PHACTR4: variants seen among roughly 807,000 people sequenced by gnomAD.
PHACTR4 encodes protein phosphatase 1, regulatory subunit 124.
PHACTR4 carries 51 observed loss-of-function variants against 72.7 expected under a neutral mutation model. The observed-to-expected ratio is 0.70, with a 90% CI of 0.56 to 0.89. The LOEUF is 0.89. Ranked by LOEUF, PHACTR4 falls within the 40% of genes least tolerant of loss-of-function variation. PHACTR4 has a pLI of 0.00. For missense variants in PHACTR4, 731 were observed against 861.8 expected (o/e 0.85, Z 1.90); for synonymous variants, 255 against 302.5 (o/e 0.84, Z 1.63).
At chr1:28,489,631 CT>C (rs1245208660) in intron 10 of PHACTR4, 2 of 361,650 alleles carry the variant, frequency 5.5e-6, no homozygotes, top group Non-Finnish European at 1.1e-5. Context: ...AATGCAGCAG[CT>C]TTTCTCTTGG....
chr1:28,459,455 A>T (rs1266695109), intron 3 of PHACTR4, among the ~76,000 whole-genome samples, 197 bp downstream of exon 3: 1 of 137,096 alleles, frequency 7.3e-6, no homozygotes, highest in African/African-American at 2.8e-5. Flanking sequence ...AGGCTAGAGT[A>T]CAGTGGCGCA....
chr1:28,483,509 A>C (rs756933213), intron 9 of PHACTR4, among the ~76,000 whole-genome samples: 7 of 151,420 alleles, frequency 4.6e-5, no homozygotes, highest in Non-Finnish European at 8.8e-5. Context: ...CAAAAAAAAG[A>C]GATAAATCAT....
chr1:28,442,394 G>A (rs945942055), intron 2 of PHACTR4, among the ~76,000 whole-genome samples: 5 of 151,644 alleles, frequency 3.3e-5, no homozygotes, highest in Admixed American at 6.6e-5. Flanking sequence ...AAACAAGGAG[G>A]CGGAGGATGC....
chr1:28,372,370 A>G (rs1470991201), intron 1 of PHACTR4, among the ~76,000 whole-genome samples: 1 of 152,080 alleles, frequency 6.6e-6, no homozygotes, highest in African/African-American at 2.4e-5. Flanking sequence ...TTCACCCTGT[A>G]TTACTTTGTT....
chr1:28,380,202 G>A (rs1168186294), intron 1 of PHACTR4, among the ~76,000 whole-genome samples: 4 of 149,562 alleles, frequency 2.7e-5, no homozygotes, highest in African/African-American at 2.5e-5. Flanking sequence ...GACTACAGGC[G>A]TCCGCTACCA....
chr1:28,412,414 A>G (rs1654846838), intron 2 of PHACTR4, among the ~76,000 whole-genome samples: 1 of 152,202 alleles, frequency 6.6e-6, no homozygotes, highest in African/African-American at 2.4e-5. Context: ...TGCTTTATAC[A>G]TATTTCTGTT....
chr1:28,397,727 T>C (rs553891765), intron 1 of PHACTR4, among the ~76,000 whole-genome samples: 1 of 151,598 alleles, frequency 6.6e-6, no homozygotes, highest in Non-Finnish European at 1.5e-5. Flanking sequence ...TTTTGAGTCT[T>C]TCTCTGTCGC....
In PHACTR4 at chr1:28,473,595, A is replaced by T; in HGVS notation, c.865A>T (p.Lys289Ter). 1 of 1,613,754 alleles carries T rather than the reference A, an allele frequency of 6.2e-7. No individual in the cohort carries two copies. Among genetic ancestry groups the T allele is most frequent in the Non-Finnish European group, 8.5e-7 (1 of 1,179,780 alleles). Residue 289 changes from lysine to a stop codon, truncating the protein, a stop_gained, in exon 7 of 14, where the codon AAA becomes TAA. Coordinates refer to ENST00000373839, the MANE Select transcript of PHACTR4 (RefSeq NM_001048183.3). LOFTEE classifies it high-confidence loss of function. ...AATAAACAGTGGTACATTGTTATCA[A>T]AACCGTCCCCACCCTTACCACCTAA... is the stretch of plus-strand genomic sequence containing the variant. ...QAINSGTLLS[K>*]PSPPLPPKRG...
intron 9 of PHACTR4, among the ~76,000 whole-genome samples, chr1:28,487,215 A>C (rs1660708465): frequency 6.6e-6 from 1 of 151,232 alleles, no homozygotes; most frequent in Non-Finnish European, 1.5e-5. Flanking sequence ...AACTACAAAA[A>C]CTTAGCCGGG....
At position 28,401,300 on chromosome 1, in the gene PHACTR4, CT is replaced by C. The variant is rs34281484; in HGVS notation, c.-38-6090del. Reference sequence around the variant, plus strand: ...CAACAGGGATATATGACCTGCTTTACTTTTTTTTTTTTTTTTTTTTGGGGGG... The same window carrying C: ...CAACAGGGATATATGACCTGCTTTACTTTTTTTTTTTTTTTTTTTGGGGGG... On this transcript the variant is annotated intron_variant, in intron 1 of 13. Coordinates refer to ENST00000373839, the MANE Select transcript of PHACTR4 (RefSeq NM_001048183.3). 4.6e-3 allele frequency among the ~76,000 whole-genome samples: 469 copies of C among 103,046 alleles called. 1 individual carries two copies. Among genetic ancestry groups the C allele is most frequent in the Non-Finnish European group, 6.4e-3 (316 of 49,018 alleles). The allele number at this position is 103,046 out of a possible 152,430, so 67.6% of individuals were successfully genotyped here.
chr1:28,394,777 G>A (rs1433676085), intron 1 of PHACTR4, among the ~76,000 whole-genome samples: 1 of 151,828 alleles, frequency 6.6e-6, no homozygotes, highest in African/African-American at 2.4e-5. Context: ...TGTATTTTTA[G>A]TGGAGATGGG....
intron 4 of PHACTR4, among the ~76,000 whole-genome samples, chr1:28,461,721 C>T (rs1001988527): frequency 6.6e-6 from 1 of 151,804 alleles, no homozygotes; most frequent in African/African-American, 2.4e-5. Flanking sequence ...GAGACAGGGT[C>T]TCCCTATGTT....
At chr1:28,410,193 C>G (rs1440370531) in intron 2 of PHACTR4, among the ~76,000 whole-genome samples, 3 of 152,188 alleles carry the variant, frequency 2.0e-5, no homozygotes, top group African/African-American at 7.2e-5. Flanking sequence ...ATCTCGAGCT[C>G]CTGACCTCAT....
intron 1 of PHACTR4, among the ~76,000 whole-genome samples, chr1:28,384,833 A>C (rs775992851): frequency 2.8e-4 from 43 of 152,210 alleles, no homozygotes; most frequent in Non-Finnish European, 5.4e-4. Context: ...TGGAGGTTGC[A>C]GTTAGCCAAG....
chr1:28,486,966 C>T (rs1660682512), intron 9 of PHACTR4, among the ~76,000 whole-genome samples: 1 of 151,962 alleles, frequency 6.6e-6, no homozygotes, highest in African/African-American at 2.4e-5. Context: ...AATTTGAGAC[C>T]AGCCTGGGCA....
At chr1:28,394,264 AAAAG>A (rs1204119322) in intron 1 of PHACTR4, among the ~76,000 whole-genome samples, 99 of 151,596 alleles carry the variant, frequency 6.5e-4, no homozygotes, top group African/African-American at 1.4e-3. Context: ...AAAAAAAAAA[AAAAG>A]AAAGAGGGAC....
chr1:28,369,876 T>C (rs1651080962), intron 1 of PHACTR4, 51 bp downstream of exon 1: 2 of 424,170 alleles, frequency 4.7e-6, no homozygotes, highest in Admixed American at 2.7e-5. Context: ...AGTATCAGGC[T>C]GCGGCCTCCT....
Sources: allele counts gnomAD v4.1 joint callset (sites outside exome capture counted in the v4.1 genomes callset), GRCh38; gene constraint gnomAD v4.1.1; transcripts MANE v1.5; gene names NCBI Gene and HGNC (gene_info 2026-07-23, HGNC 2026-07-21).